Variants in PTPRS observed in about 807,000 individuals in gnomAD.
PTPRS encodes the protein receptor-type tyrosine-protein phosphatase S.
In PTPRS, 63 loss-of-function variants were observed where a neutral mutation model predicts 215.3. The observed-to-expected ratio is 0.29, with a 90% CI of 0.24 to 0.36. PTPRS has a LOEUF of 0.36. PTPRS is among the 10% of genes least tolerant of loss of function. The pLI is 1.00. For missense variants in PTPRS, 2,258 were observed against 2,825.8 expected, an observed-to-expected ratio of 0.80 and a Z score of 4.56; for synonymous variants, 1,404 against 1,191.4, an observed-to-expected ratio of 1.18 and a Z score of -3.68.
At chr19:5,318,595 C>T (rs2049941866) in intron 1 of PTPRS, among the ~76,000 whole-genome samples, 1 of 152,050 alleles carries the variant, frequency 6.6e-6, no homozygotes, top group South Asian at 2.1e-4. Flanking sequence ...CAGAGCTGTT[C>T]ACACCACCTG....
At chr19:5,284,376 A>AAATAAATAAAT (rs2048147818) in intron 2 of PTPRS, among the ~76,000 whole-genome samples, 3 of 119,584 alleles carry the variant, frequency 2.5e-5, no homozygotes, top group African/African-American at 8.1e-5. Flanking sequence ...TTAATTAATT[A>AAATAAATAAAT]AAATAAATAA....
Position 5,231,516 on chromosome 19 carries a change from G to A in PTPRS, c.1949C>T (p.Ala650Val). The change falls in exon 14 of 38, where the codon GCC becomes GTC. Residue 650 changes from alanine (A) to valine (V), a missense_variant. By Grantham distance (64) the Ala-to-Val change is moderately conservative. Around this residue, in one of 6 missense-constraint regions of PTPRS, gnomAD observed 371 missense variants for 446.7 expected, o/e 0.83. Transcript: ENST00000262963. ...GTAGCGGACGCTGTAGCCCACCAGG[G>A]CCCCGTTGTGCGTTTCCGGCGGCGG... ...RPPPPETHNG[A>V]LVGYSVRYRP... The A allele has an allele frequency of 6.8e-6, 11 of 1,612,264 alleles. No homozygotes were observed. The highest frequency in any genetic ancestry group is 1.1e-5 in the South Asian group (1 of 91,040).
intron 1 of PTPRS, among the ~76,000 whole-genome samples, chr19:5,308,935 G>T (rs560333945): frequency 6.6e-6 from 1 of 152,262 alleles, no homozygotes; most frequent in East Asian, 1.9e-4. Context: ...TCATTACCAG[G>T]AGCACGGGTG....
intron 1 of PTPRS, among the ~76,000 whole-genome samples, chr19:5,333,249 T>C (rs1348059467): frequency 2.0e-5 from 3 of 151,662 alleles, no homozygotes; most frequent in Non-Finnish European, 4.4e-5. Flanking sequence ...GGCAGGCAGA[T>C]AGCTTGAACC....
rs1189538448 is a variant in PTPRS at position 5,338,663 on chromosome 19, G to A, written c.-95+2001C>T. Among the ~76,000 whole-genome samples the A allele has an allele frequency of 6.6e-6, 1 of 151,852 alleles. No homozygotes were observed. The highest frequency in any genetic ancestry group is 2.4e-5 in the African/African-American group (1 of 41,304). ...GCTGGCAAAGAAAGAAGAGCAGAGGGACAGAAGGCAGGCGCGATTGGCAGG... is the reference window on the plus strand; with the variant it reads ...GCTGGCAAAGAAAGAAGAGCAGAGGAACAGAAGGCAGGCGCGATTGGCAGG... On this transcript the variant is annotated intron_variant, in intron 1 of 37. Coordinates refer to ENST00000262963, the MANE Select transcript of PTPRS (RefSeq NM_002850.4). This position sits in a 1 kb window ranked among gnomAD's most constrained non-coding sequence, Gnocchi z 4.2.
At chr19:5,250,753 C>T (rs1314164766) in intron 9 of PTPRS, among the ~76,000 whole-genome samples, 2 of 150,886 alleles carry the variant, frequency 1.3e-5, no homozygotes, top group African/African-American at 2.4e-5. Context: ...AACCAGGAGA[C>T]GACCCCTCCC....
chr19:5,207,093 T>C (rs751804687), intron 37 of PTPRS, among the ~76,000 whole-genome samples: 48 of 152,106 alleles, frequency 3.2e-4, no homozygotes, highest in Non-Finnish European at 5.9e-4. Context: ...TTTTCTTTTT[T>C]ATTTATTTTG....
chr19:5,235,101 C>T (rs967867594), intron 13 of PTPRS, among the ~76,000 whole-genome samples: 58 of 151,994 alleles, frequency 3.8e-4, no homozygotes, highest in African/African-American at 1.4e-3. Context: ...CCACCACGCT[C>T]GGCTAATTTT....
intron 1 of PTPRS, among the ~76,000 whole-genome samples, chr19:5,335,695 C>T (rs1167460854): frequency 2.6e-5 from 4 of 152,096 alleles, no homozygotes; most frequent in Non-Finnish European, 4.4e-5. Flanking sequence ...CCCCATGAAA[C>T]GGGACATTTG....
At chr19:5,260,386 C>T (rs1460736643) in intron 7 of PTPRS, among the ~76,000 whole-genome samples, 2 of 152,028 alleles carry the variant, frequency 1.3e-5, no homozygotes, top group Non-Finnish European at 2.9e-5. Context: ...GACCATGCTG[C>T]CCAGGCTGGT....
At chr19:5,239,313 C>CGGAGAGAGACAGAGACAGAGAGAAACAGG (rs2043796855) in intron 12 of PTPRS, among the ~76,000 whole-genome samples, 1 of 149,476 alleles carries the variant, frequency 6.7e-6, no homozygotes, top group Non-Finnish European at 1.5e-5. Flanking sequence ...GAGACAGAGA[C>CGGAGAGAGACAGAGACAGAGAGAAACAGG]GGAGAGAGAC....
At position 5,256,118 on chromosome 19, in the gene PTPRS, C is replaced by A; in HGVS notation, c.708G>T (p.Glu236Asp). The stretch of plus-strand genomic sequence containing the variant: ...AAAAAACACACCAACCTTCTCGAAG[C>A]TCTGAGGGATGTAAAGGGGGTTTGA... ...YSSPANLYVRELREVRRVAPR... is the reference protein window; with the variant it reads ...YSSPANLYVRDLREVRRVAPR... The change falls in exon 9 of 38, where the codon GAG becomes GAT. Residue 236 changes from glutamate (E) to aspartate (D), a missense_variant and splice_region_variant. By Grantham distance (45) the Glu-to-Asp change is conservative. Transcript: ENST00000262963. The A allele has an allele frequency of 6.6e-7, 1 of 1,524,700 alleles. No individual in the cohort carries two copies. Among genetic ancestry groups the A allele is most frequent in the Non-Finnish European group, 9.1e-7 (1 of 1,101,996 alleles). 94.4% of individuals were successfully genotyped at this position (1,524,700 alleles called of 1,614,324 possible).
rs116472188 is a variant in PTPRS, at chr19:5,229,407, G to A, written c.2350-65C>T. 7.7e-3 allele frequency: 10,445 copies of A among 1,349,812 alleles called. 672 individuals are homozygous for A. The African/African-American group carries it at 0.14, about 18-fold the overall frequency. 83.6% of individuals were successfully genotyped at this position (1,349,812 alleles called of 1,614,324 possible). A position where few individuals can be genotyped will look rare whatever the true frequency, so the allele number is the denominator to read the frequency against. On this transcript the variant is annotated intron_variant, in intron 15 of 37. Transcript: ENST00000262963. ...GTGAGCGGGGGAGGCCAGAGATGGA[G>A]AAAGAGAAGCAGAGGTGGGGGGAGC...
Position 5,219,472 on chromosome 19 carries a change from A to G in PTPRS, c.3766-5T>C, listed in dbSNP as rs774516977. 1.3e-6 allele frequency: 2 copies of G among 1,563,682 alleles called. No homozygotes were observed. Among genetic ancestry groups the G allele is most frequent in the East Asian group, 2.3e-5 (1 of 44,366 alleles). ...GAAGGGACTGGCTGCAAAGGTCTGC[A>G]GGGAAAGGAGGGGGGTCTCCATCAG... is the stretch of plus-strand genomic sequence containing the variant. On this transcript the variant is annotated splice_polypyrimidine_tract_variant and splice_region_variant and intron_variant, in intron 22 of 37. Coordinates refer to ENST00000262963, the MANE Select transcript of PTPRS (RefSeq NM_002850.4).
intron 16 of PTPRS, among the ~76,000 whole-genome samples, chr19:5,227,776 G>A (rs558235490): frequency 6.6e-6 from 1 of 152,244 alleles, no homozygotes; most frequent in South Asian, 2.1e-4. Context: ...AGGGGCTCTT[G>A]TCACCACCAC....
At chr19:5,309,507 C>G (rs1286768368) in intron 1 of PTPRS, among the ~76,000 whole-genome samples, 1 of 152,104 alleles carries the variant, frequency 6.6e-6, no homozygotes, top group Non-Finnish European at 1.5e-5. Context: ...ACCTGAAAAC[C>G]CGCTATGGGC....
intron 2 of PTPRS, among the ~76,000 whole-genome samples, chr19:5,281,231 C>T (rs1209074349): frequency 2.0e-5 from 3 of 151,828 alleles, no homozygotes; most frequent in African/African-American, 4.8e-5. Context: ...GAGGCCAAAG[C>T]GGGAGGATCA....
In PTPRS at chr19:5,211,572, G is replaced by A. The variant is rs926972095; in HGVS notation, c.5234+18C>T. 1.3e-6 allele frequency: 2 copies of A among 1,595,080 alleles called. No individual in the cohort carries two copies. The highest frequency in any genetic ancestry group is 1.7e-6 in the Non-Finnish European group (2 of 1,164,574). ...GGCTCCTTCTGGGGCCCTGAGGTGGGAAAGGCATGGCACCTACCTGTAGCC... is the reference window on the plus strand; with the variant it reads ...GGCTCCTTCTGGGGCCCTGAGGTGGAAAAGGCATGGCACCTACCTGTAGCC... On this transcript the variant is annotated intron_variant, in intron 33 of 37. Coordinates refer to ENST00000262963, the MANE Select transcript of PTPRS (RefSeq NM_002850.4).
chr19:5,340,712 C>G lies in PTPRS; in HGVS notation c.-143G>C, dbSNP rs2051084306. ...CCCCCGGCTCTGCCCCGCTTCACAT[C>G]GTGGCTGTTGCATGGGATCCGAGCG... is the stretch of plus-strand genomic sequence containing the variant. On this transcript the variant is annotated 5_prime_UTR_variant, in exon 1 of 38. Coordinates refer to ENST00000262963, the MANE Select transcript of PTPRS (RefSeq NM_002850.4). 6.7e-6 allele frequency: 1 copy of G among 150,310 alleles called. No homozygotes were observed. The highest frequency in any genetic ancestry group is 6.6e-5 in the Admixed American group (1 of 15,150). 9.3% of individuals were successfully genotyped at this position (150,310 alleles called of 1,614,324 possible). A position where few individuals can be genotyped will look rare whatever the true frequency, so the allele number is the denominator to read the frequency against.
Sources: gnomAD v4.1 joint callset for allele counts (sites outside exome capture counted in the v4.1 genomes callset) on GRCh38, gnomAD v4.1.1 for gene constraint, gnomAD v4.1.1 regional missense constraint, Gnocchi (gnomAD v3.1) non-coding constraint, MANE v1.5 for transcripts, NCBI Gene and HGNC (gene_info 2026-07-23, HGNC 2026-07-21) for gene names.